LPIN2: variants seen among roughly 807,000 people sequenced by gnomAD.
LPIN2 encodes the protein phosphatidate phosphatase LPIN2.
LPIN2 carries 55 observed loss-of-function variants against 111.4 expected under a neutral mutation model. That is an observed-to-expected ratio of 0.49 (90% CI 0.40 to 0.62). LPIN2 has a LOEUF of 0.62. LPIN2 is among the 20% of genes least tolerant of loss of function. The probability of loss-of-function intolerance (pLI) is 0.00; values close to 1 mark genes in which losing one functional copy is unlikely to be tolerated. For synonymous variants in LPIN2, 425 were observed against 414.0 expected (o/e 1.03, Z -0.32); for missense variants, 992 against 1,112.1 (o/e 0.89, Z 1.54).
Position 3,000,091 on chromosome 18 carries a change from G to T in LPIN2, c.-10+12996C>A, listed in dbSNP as rs2078411012. ...GGAGGAGGAAGAGGAGAAGGAGGAAGAGGGGAAAGAGGGGAAGGAGGGGAA... is the reference window on the plus strand; with the variant it reads ...GGAGGAGGAAGAGGAGAAGGAGGAATAGGGGAAAGAGGGGAAGGAGGGGAA... On this transcript the variant is annotated intron_variant, in intron 1 of 19. Coordinates refer to ENST00000677752, the MANE Select transcript of LPIN2 (RefSeq NM_001375808.2). 3.6e-5 allele frequency among the ~76,000 whole-genome samples: 5 copies of T among 138,598 alleles called. No homozygotes were observed. The South Asian group carries it at 1.2e-3, about 33-fold the overall frequency. The allele number at this position is 138,598 out of a possible 152,430, so 90.9% of individuals were successfully genotyped here. A position where few individuals can be genotyped will look rare whatever the true frequency, so the allele number is the denominator to read the frequency against.
intron 1 of LPIN2, chr18:2,967,696 C>A (rs2077829964): frequency 6.6e-6 from 1 of 152,200 alleles, no homozygotes; most frequent in Non-Finnish European, 1.5e-5. Flanking sequence ...GCCACAGACT[C>A]CCGACGCCAA....
Position 2,934,431 on chromosome 18 carries a change from T to A in LPIN2, c.1188A>T (p.Gln396His). ...GGTAAATATCATCAGGTCCCTGGTG[T>A]TGGCTTCTTTTGTGAACACCTGTTT... ...SKKKGVHKRSQHQGPDDIYLD... is the reference protein window; with the variant it reads ...SKKKGVHKRSHHQGPDDIYLD... Residue 396 changes from glutamine (Q) to histidine (H), a missense_variant, in exon 8 of 20, where the codon CAA becomes CAT. Gln to His is a conservative substitution (Grantham distance 24). Coordinates refer to ENST00000677752, the MANE Select transcript of LPIN2 (RefSeq NM_001375808.2). The A allele has an allele frequency of 3.1e-6, 5 of 1,613,202 alleles. No individual in the cohort carries two copies. Among genetic ancestry groups the A allele is most frequent in the Non-Finnish European group, 4.2e-6 (5 of 1,179,312 alleles).
intron 1 of LPIN2, chr18:2,976,983 G>C (rs2078028723): frequency 6.6e-6 from 1 of 152,226 alleles, no homozygotes; most frequent in African/African-American, 2.4e-5. Context: ...AAGGTGGGCA[G>C]ATCACTTGAG....
intron 8 of LPIN2, among the ~76,000 whole-genome samples, chr18:2,932,582 GGAGT>G (rs1480895539): frequency 6.6e-6 from 1 of 152,210 alleles, no homozygotes; most frequent in African/African-American, 2.4e-5. Flanking sequence ...TGTTATACTG[GGAGT>G]GAGGGGCAAG....
At chr18:2,956,828 T>C (rs554808819) in intron 2 of LPIN2, among the ~76,000 whole-genome samples, 1 of 152,364 alleles carries the variant, frequency 6.6e-6, no homozygotes, top group South Asian at 2.1e-4. Context: ...CATCTTTGTG[T>C]GACTTTAAAT....
At chr18:2,950,961 C>T in intron 4 of LPIN2, 94 bp downstream of exon 4, 2 of 1,359,456 alleles carry the variant, frequency 1.5e-6, no homozygotes, top group Non-Finnish European at 2.1e-6. Flanking sequence ...AAGCCCAAAC[C>T]TCACACTGTG....
intron 18 of LPIN2, 136 bp downstream of exon 18, chr18:2,921,397 G>C: frequency 2.7e-6 from 2 of 736,778 alleles, no homozygotes; most frequent in Non-Finnish European, 4.9e-6. Flanking sequence ...TAGATCAAGT[G>C]AAAACCGAAC....
In LPIN2 at chr18:2,976,536, G is replaced by A. The variant is rs150308208; in HGVS notation, c.-9-15687C>T. Among the ~76,000 whole-genome samples, 328 of 152,326 alleles carry A rather than the reference G, an allele frequency of 2.2e-3. 2 individuals carry two copies. Among genetic ancestry groups the A allele is most frequent in the African/African-American group, 7.4e-3 (307 of 41,576 alleles). On this transcript the variant is annotated intron_variant, in intron 1 of 19. Transcript: ENST00000677752. ...AAATAAATTTGGTTTTAGTGGAATCGTAAGCCTGTCATTTGTCTGCGTGGA... is the reference window on the plus strand; with the variant it reads ...AAATAAATTTGGTTTTAGTGGAATCATAAGCCTGTCATTTGTCTGCGTGGA...
intron 11 of LPIN2, 125 bp from the exon 12 acceptor site, chr18:2,927,936 A>C: frequency 1.2e-6 from 1 of 809,166 alleles, no homozygotes. Context: ...CTCTCTTCAC[A>C]CCTCCCAGAT....
At position 2,939,613 on chromosome 18, in the gene LPIN2, G is replaced by C. The variant is rs1484044031; in HGVS notation, c.699-10C>G. ...TGTCTGGGGATAGGTGCTGCAAAGA[G>C]AACAAAGACACACGATGACTTGAAA... On this transcript the variant is annotated splice_polypyrimidine_tract_variant and intron_variant, in intron 5 of 19. Coordinates refer to ENST00000677752, the MANE Select transcript of LPIN2 (RefSeq NM_001375808.2). The C allele has an allele frequency of 1.2e-6, 2 of 1,612,538 alleles. No individual in the cohort carries two copies. Among genetic ancestry groups the C allele is most frequent in the Non-Finnish European group, 8.5e-7 (1 of 1,179,552 alleles).
intron 8 of LPIN2, among the ~76,000 whole-genome samples, chr18:2,932,711 G>A (rs980251964): frequency 6.6e-6 from 1 of 152,190 alleles, no homozygotes; most frequent in African/African-American, 2.4e-5. Flanking sequence ...GAATATGGAC[G>A]GAAGGCATAC....
At chr18:3,006,390 G>C (rs1167429620) in intron 1 of LPIN2, among the ~76,000 whole-genome samples, 1 of 152,138 alleles carries the variant, frequency 6.6e-6, no homozygotes, top group African/African-American at 2.4e-5. Context: ...TCCTGCAACA[G>C]AAGATCAGTC....
At chr18:2,981,521 G>C (rs2078110242) in intron 1 of LPIN2, among the ~76,000 whole-genome samples, 1 of 152,180 alleles carries the variant, frequency 6.6e-6, no homozygotes, top group Non-Finnish European at 1.5e-5. Context: ...GTTTATGTGT[G>C]TTAGTGCTAC....
chr18:2,955,118 G>A (rs1158375909), intron 2 of LPIN2, among the ~76,000 whole-genome samples: 1 of 152,148 alleles, frequency 6.6e-6, no homozygotes, highest in East Asian at 1.9e-4. Context: ...CAAGAACCAG[G>A]TGAAACGATG....
intron 4 of LPIN2, among the ~76,000 whole-genome samples, chr18:2,947,478 G>A (rs1282181460): frequency 5.3e-5 from 8 of 152,258 alleles, no homozygotes; most frequent in Admixed American, 2.0e-4. Context: ...TTTTAAAGCC[G>A]TGTATAGTTT....
At chr18:2,936,916 A>G (rs75501341) in intron 7 of LPIN2, among the ~76,000 whole-genome samples, 3,328 of 152,308 alleles carry the variant, frequency 0.022, 132 homozygotes, top group African/African-American at 0.077. Flanking sequence ...AGCAAAAGAA[A>G]GCACATACTC....
intron 4 of LPIN2, among the ~76,000 whole-genome samples, chr18:2,949,713 CA>C (rs2077505563): frequency 6.6e-6 from 1 of 152,072 alleles, no homozygotes; most frequent in Admixed American, 6.6e-5. Context: ...ATCTAGATTT[CA>C]AAATTTTGGA....
chr18:2,961,931 C>T (rs1445072535), intron 1 of LPIN2, among the ~76,000 whole-genome samples: 6 of 152,296 alleles, frequency 3.9e-5, no homozygotes, highest in South Asian at 2.1e-4. Flanking sequence ...ATAAGCAGCT[C>T]GTGGTTTCTC....
chr18:2,927,158 G>A (rs2077145454), intron 12 of LPIN2, among the ~76,000 whole-genome samples: 2 of 152,202 alleles, frequency 1.3e-5, no homozygotes, highest in Admixed American at 1.3e-4. Context: ...CAGCCCCCTT[G>A]CTGACGTGGA....
Sources: gnomAD v4.1 joint callset for allele counts (sites outside exome capture counted in the v4.1 genomes callset) on GRCh38, gnomAD v4.1.1 for gene constraint, MANE v1.5 for transcripts, NCBI Gene and HGNC (gene_info 2026-07-23, HGNC 2026-07-21) for gene names.